Variants in CYB5B observed in about 807,000 individuals in gnomAD.
The protein encoded by CYB5B is cytochrome b5 type B (outer mitochondrial membrane).
A neutral mutation model predicts 21.3 loss-of-function variants in CYB5B; 14 were observed. The observed-to-expected ratio is 0.66, with a 90% CI of 0.43 to 1.03. CYB5B has a LOEUF of 1.03. CYB5B is among the 50% of genes least tolerant of loss of function. The pLI is 0.00. For synonymous variants in CYB5B, 69 were observed against 68.4 expected (o/e 1.01, Z -0.04); for missense variants, 166 against 185.1 (o/e 0.90, Z 0.60).
intron 2 of CYB5B, among the ~76,000 whole-genome samples, chr16:69,447,502 G>A (rs888006072): frequency 2.0e-5 from 3 of 152,184 alleles, no homozygotes; most frequent in Non-Finnish European, 2.9e-5. Flanking sequence ...AATTAGCTGG[G>A]TGTGGTGGCG....
intron 3 of CYB5B, among the ~76,000 whole-genome samples, chr16:69,458,325 A>G (rs2015001349): frequency 6.6e-6 from 1 of 152,156 alleles, no homozygotes; most frequent in Admixed American, 6.5e-5. Flanking sequence ...CACCAGCCCT[A>G]GGCAACCACT....
chr16:69,428,388 G>A (rs1271372848), intron 1 of CYB5B, among the ~76,000 whole-genome samples: 3 of 152,066 alleles, frequency 2.0e-5, no homozygotes, highest in Non-Finnish European at 2.9e-5. Flanking sequence ...GGCTGGACAC[G>A]GTGGCTTAGG....
intron 2 of CYB5B, among the ~76,000 whole-genome samples, chr16:69,447,636 C>T (rs1194719247): frequency 3.2e-5 from 3 of 92,564 alleles, no homozygotes; most frequent in African/African-American, 9.4e-5. Flanking sequence ...GAGCGAGACT[C>T]TGTCTCAAAA....
chr16:69,425,964 TAATTCTAAAA>T (rs1280712575), intron 1 of CYB5B, among the ~76,000 whole-genome samples: 1 of 152,220 alleles, frequency 6.6e-6, no homozygotes, highest in East Asian at 1.9e-4. Context: ...TCCTGACTTT[TAATTCTAAAA>T]ACTTTTAAAA....
chr16:69,455,854 G>A (rs958658895), intron 3 of CYB5B, among the ~76,000 whole-genome samples: 6 of 152,122 alleles, frequency 3.9e-5, no homozygotes, highest in Non-Finnish European at 8.8e-5. Flanking sequence ...CTAGACATAA[G>A]AGAATGGTGT....
At chr16:69,460,948 C>T (rs2015029442) in intron 4 of CYB5B, among the ~76,000 whole-genome samples, 1 of 152,160 alleles carries the variant, frequency 6.6e-6, no homozygotes, top group South Asian at 2.1e-4. Flanking sequence ...CTGGTTCTCT[C>T]CTCAGTGGCA....
In CYB5B at chr16:69,446,136, A is replaced by C. The variant is rs774798916; in HGVS notation, c.175-1014A>C. On this transcript the variant is annotated intron_variant, in intron 1 of 4. Transcript: ENST00000307892. ...TTATATTATGCTCTTCTGGAGTGCA[A>C]AGTGTTTTATATGCTTATCTCATTT... Among the ~76,000 whole-genome samples the C allele has an allele frequency of 1.9e-3, 296 of 152,094 alleles. 1 individual carries two copies. The highest frequency in any genetic ancestry group is 3.7e-3 in the Non-Finnish European group (250 of 67,978).
chr16:69,432,239 G>A (rs2014713441), intron 1 of CYB5B, among the ~76,000 whole-genome samples: 1 of 152,204 alleles, frequency 6.6e-6, no homozygotes, highest in African/African-American at 2.4e-5. Context: ...TTTACAGACA[G>A]TCCCTGACTT....
intron 3 of CYB5B, among the ~76,000 whole-genome samples, chr16:69,453,275 A>G (rs1041165893): frequency 3.3e-5 from 5 of 152,180 alleles, no homozygotes; most frequent in African/African-American, 7.2e-5. Flanking sequence ...TTTATTATAC[A>G]TACAGTTTTC....
Position 69,452,985 on chromosome 16 carries a change from G to A in CYB5B, c.333+4841G>A, listed in dbSNP as rs2014950913. ...ATGCACTCCAGCCTGGTGAGAGAGCGAGACTCTGTCTCAAAAAAAAAAAAA... is the reference window on the plus strand; with the variant it reads ...ATGCACTCCAGCCTGGTGAGAGAGCAAGACTCTGTCTCAAAAAAAAAAAAA... On this transcript the variant is annotated intron_variant, in intron 3 of 4. Coordinates refer to ENST00000307892, the MANE Select transcript of CYB5B (RefSeq NM_030579.3). 3.4e-5 allele frequency among the ~76,000 whole-genome samples: 5 copies of A among 147,228 alleles called. No individual in the cohort carries two copies. In the South Asian group the frequency reaches 6.5e-4, roughly 19 times the overall value.
At chr16:69,442,251 T>G (rs1012736811) in intron 1 of CYB5B, among the ~76,000 whole-genome samples, 1 of 152,186 alleles carries the variant, frequency 6.6e-6, no homozygotes, top group African/African-American at 2.4e-5. Context: ...CAGAAAATAA[T>G]AATGCTTTTT....
intron 1 of CYB5B, among the ~76,000 whole-genome samples, chr16:69,426,199 ACCGT>A (rs773769096): frequency 2.0e-5 from 3 of 151,626 alleles, no homozygotes; most frequent in Non-Finnish European, 4.4e-5. Context: ...GGAGATCGAG[ACCGT>A]CCTGGCTAAC....
chr16:69,434,336 C>A (rs2014737230), intron 1 of CYB5B, among the ~76,000 whole-genome samples: 1 of 152,146 alleles, frequency 6.6e-6, no homozygotes. Context: ...CTGTCATGTA[C>A]AAATCTTTGT....
At chr16:69,437,700 C>T (rs79346038) in intron 1 of CYB5B, among the ~76,000 whole-genome samples, 9,125 of 152,000 alleles carry the variant, frequency 0.06, 379 homozygotes, top group Middle Eastern at 0.11. Context: ...CAGTCATCAC[C>T]ACCATCTATT....
rs2015082366 is a variant in CYB5B at position 69,465,669 on chromosome 16, C to T, written c.*3149C>T. Reference sequence around the variant, plus strand: ...CCTGGAGTATCATTACTTATGGTATCTCCTGCTTTAAAATCTCAAGCGATA... The same window carrying T: ...CCTGGAGTATCATTACTTATGGTATTTCCTGCTTTAAAATCTCAAGCGATA... On this transcript the variant is annotated 3_prime_UTR_variant, in exon 5 of 5. Coordinates refer to ENST00000307892, the MANE Select transcript of CYB5B (RefSeq NM_030579.3). 6.6e-6 allele frequency: 1 copy of T among 152,156 alleles called. No individual in the cohort carries two copies. The highest frequency in any genetic ancestry group is 1.5e-5 in the Non-Finnish European group (1 of 68,030). 9.4% of individuals were successfully genotyped at this position (152,156 alleles called of 1,614,324 possible).
At position 69,465,127 on chromosome 16, in the gene CYB5B, C is replaced by T. The variant is rs1218695308; in HGVS notation, c.*2607C>T. The T allele has an allele frequency of 6.6e-6, 1 of 152,304 alleles. No homozygotes were observed. The highest frequency in any genetic ancestry group is 2.4e-5 in the African/African-American group (1 of 41,432). The allele number at this position is 152,304 out of a possible 1,614,324, so 9.4% of individuals were successfully genotyped here. ...CCTCTGGAGAGCAAGTGGAGCCAGT[C>T]CCCATTGGCTGACAGTGCCACCTGG... On this transcript the variant is annotated 3_prime_UTR_variant, in exon 5 of 5. Coordinates refer to ENST00000307892, the MANE Select transcript of CYB5B (RefSeq NM_030579.3).
chr16:69,448,282 T>C, intron 3 of CYB5B, 138 bp downstream of exon 3: 1 of 977,520 alleles, frequency 1.0e-6, no homozygotes, highest in Non-Finnish European at 1.6e-6. Context: ...TTTTCTGGAA[T>C]TTGGACTCAG....
At chr16:69,448,212 A>AT in intron 3 of CYB5B, 68 bp downstream of exon 3, 1 of 1,539,500 alleles carries the variant, frequency 6.5e-7, no homozygotes, top group South Asian at 1.2e-5. Context: ...TTTTTGAAAC[A>AT]TTTTTTCTTA....
In CYB5B at chr16:69,447,278, G is replaced by A. The variant is rs765357837; in HGVS notation, c.303G>A (p.Pro101=). The part of the protein sequence containing the change: ...LKQYYIGDIH[P]SDLKPESGSK... ...AGTACTACATTGGTGATATCCATCCGGTAAGAACTATCAGAGATGGGAGCC... is the reference window on the plus strand; with the variant it reads ...AGTACTACATTGGTGATATCCATCCAGTAAGAACTATCAGAGATGGGAGCC... Residue 101 remains proline (P), a splice_region_variant and synonymous_variant, in exon 2 of 5, where the codon CCG becomes CCA. Coordinates refer to ENST00000307892, the MANE Select transcript of CYB5B (RefSeq NM_030579.3). 1.7e-5 allele frequency: 27 copies of A among 1,612,842 alleles called. No homozygotes were observed. Among genetic ancestry groups the A allele is most frequent in the African/African-American group, 4.0e-5 (3 of 74,876 alleles).
Sources: allele counts gnomAD v4.1 joint callset (sites outside exome capture counted in the v4.1 genomes callset), GRCh38; gene constraint gnomAD v4.1.1; transcripts MANE v1.5; gene names NCBI Gene and HGNC (gene_info 2026-07-23, HGNC 2026-07-21).